The following ERC2 variants were observed in gnomAD, a reference collection of about 807,000 sequenced individuals.
ERC2 encodes the protein ELKS/RAB6-interacting/CAST family member 2, also known as ERC protein 2.
In ERC2, 42 loss-of-function variants were observed where a neutral mutation model predicts 114.8. The ratio of observed to expected loss-of-function variants is 0.37; its 90% CI spans 0.29 to 0.47. The LOEUF is 0.47. ERC2 is among the 20% of genes least tolerant of loss of function. The probability of loss-of-function intolerance (pLI) is 0.99; values close to 1 mark genes in which losing one functional copy is unlikely to be tolerated. For missense variants in ERC2, 939 were observed against 1,150.7 expected, an observed-to-expected ratio of 0.82 and a Z score of 2.66; for synonymous variants, 454 against 425.5, an observed-to-expected ratio of 1.07 and a Z score of -0.82.
intron 3 of ERC2, among the ~76,000 whole-genome samples, chr3:56,265,500 C>A (rs1388307497): frequency 6.6e-6 from 1 of 152,026 alleles, no homozygotes; most frequent in Admixed American, 6.6e-5. Flanking sequence ...CTGTATAACA[C>A]CTAGAAGAAA....
intron 17 of ERC2, among the ~76,000 whole-genome samples, chr3:55,563,241 T>G (rs1434948608): frequency 6.6e-6 from 1 of 152,172 alleles, no homozygotes; most frequent in African/African-American, 2.4e-5. Context: ...TAAGGTGGAC[T>G]GTTGCCCTCT....
At chr3:56,168,210 TAAC>T (rs1431954113) in intron 4 of ERC2, among the ~76,000 whole-genome samples, 3 of 152,198 alleles carry the variant, frequency 2.0e-5, no homozygotes, top group Non-Finnish European at 4.4e-5. Flanking sequence ...GAATTGGGGA[TAAC>T]TCTGCCTATT....
chr3:56,418,290 T>C (rs1244533661), intron 2 of ERC2, among the ~76,000 whole-genome samples: 1 of 138,900 alleles, frequency 7.2e-6, no homozygotes, highest in Non-Finnish European at 1.5e-5. Flanking sequence ...AGCGAGATCC[T>C]GTCTCAAAAA....
chr3:56,079,716 A>C (rs1225272934), intron 7 of ERC2, among the ~76,000 whole-genome samples: 2 of 152,146 alleles, frequency 1.3e-5, no homozygotes, highest in African/African-American at 4.8e-5. Context: ...TCATGTTTAC[A>C]TTATGCAATG....
At chr3:56,468,208 C>G (rs1320878913) in intron 1 of ERC2, 40 bp downstream of exon 1, 1 of 151,958 alleles carries the variant, frequency 6.6e-6, no homozygotes, top group Non-Finnish European at 1.5e-5. Context: ...CCGAGGGAGC[C>G]GGGCACCAGG....
intron 14 of ERC2, among the ~76,000 whole-genome samples, chr3:55,755,986 C>T (rs2067032784): frequency 6.6e-6 from 1 of 151,932 alleles, no homozygotes; most frequent in Admixed American, 6.6e-5. Context: ...TTTCCATTTT[C>T]GAAAATCTAA....
At position 56,080,832 on chromosome 3, in the gene ERC2, A is replaced by G. The variant is rs2077194888; in HGVS notation, c.1626T>C (p.Asn542=). 2 of 1,613,314 alleles carry G rather than the reference A, an allele frequency of 1.2e-6. No individual in the cohort carries two copies. The highest frequency in any genetic ancestry group is 1.7e-5 in the Admixed American group (1 of 59,944). ...DMLEVKERKI[N]VLQKKIENLQ... ...AGCTACTCACCTTTTTCTGAAGAAC[A>G]TTGATTTTTCTTTCCTTCACTTCTA... Residue 542 remains asparagine (N), a synonymous_variant, in exon 7 of 18, where the codon AAT becomes AAC. Transcript: ENST00000288221.
At chr3:56,146,195 G>A (rs2081123305) in intron 5 of ERC2, among the ~76,000 whole-genome samples, 1 of 152,122 alleles carries the variant, frequency 6.6e-6, no homozygotes, top group Non-Finnish European at 1.5e-5. Context: ...GGCTGGGTGG[G>A]AGAATTGGTT....
intron 16 of ERC2, among the ~76,000 whole-genome samples, chr3:55,689,139 G>A (rs776704221): frequency 2.8e-4 from 43 of 152,122 alleles, no homozygotes; most frequent in Non-Finnish European, 4.9e-4. Flanking sequence ...CACCTCACTA[G>A]GACACGCTGA....
intron 12 of ERC2, among the ~76,000 whole-genome samples, chr3:55,982,652 AT>A (rs2070250249): frequency 6.6e-6 from 1 of 152,116 alleles, no homozygotes; most frequent in African/African-American, 2.4e-5. Context: ...TTCGTCAGGT[AT>A]TTTTTGGAAA....
intron 14 of ERC2, among the ~76,000 whole-genome samples, chr3:55,814,436 A>T (rs2059834016): frequency 6.6e-6 from 1 of 152,222 alleles, no homozygotes; most frequent in African/African-American, 2.4e-5. Context: ...GCCAACTCGG[A>T]AGAGTTTTTG....
At chr3:55,740,757 G>C (rs1013455169) in intron 14 of ERC2, among the ~76,000 whole-genome samples, 9 of 152,044 alleles carry the variant, frequency 5.9e-5, no homozygotes, top group African/African-American at 2.2e-4. Context: ...TTTGAAGCAA[G>C]AAGTTTTTAA....
chr3:56,243,398 A>G (rs1427668622), intron 3 of ERC2, among the ~76,000 whole-genome samples: 6 of 152,214 alleles, frequency 3.9e-5, no homozygotes, highest in Non-Finnish European at 7.3e-5. Context: ...TGACAAGGGA[A>G]AAAGATCCGC....
chr3:56,234,940 A>G (rs1560431720), intron 3 of ERC2, among the ~76,000 whole-genome samples: 1 of 152,224 alleles, frequency 6.6e-6, no homozygotes, highest in Non-Finnish European at 1.5e-5. Flanking sequence ...AGGGGGACAC[A>G]TTCAAACCAT....
At chr3:55,665,008 A>G (rs1429107424) in intron 17 of ERC2, among the ~76,000 whole-genome samples, 1 of 152,172 alleles carries the variant, frequency 6.6e-6, no homozygotes, top group Non-Finnish European at 1.5e-5. Flanking sequence ...ACTGAGACAG[A>G]GCCTTGAAAG....
At chr3:56,173,357 AG>A in intron 4 of ERC2, 88 bp downstream of exon 4, 1 of 1,266,196 alleles carries the variant, frequency 7.9e-7, no homozygotes, top group Non-Finnish European at 1.1e-6. Flanking sequence ...GAAAAACACA[AG>A]GTTCATTTCA....
intron 13 of ERC2, among the ~76,000 whole-genome samples, chr3:55,914,733 C>A (rs781555487): frequency 6.6e-6 from 1 of 152,140 alleles, no homozygotes; most frequent in Non-Finnish European, 1.5e-5. Context: ...CCTAGGCCCA[C>A]AAAGGAAGCA....
chr3:55,735,284 A>G (rs1229821619), intron 14 of ERC2, among the ~76,000 whole-genome samples: 1 of 152,204 alleles, frequency 6.6e-6, no homozygotes, highest in African/African-American at 2.4e-5. Flanking sequence ...ATGTTGTTAC[A>G]AAGTAATGTC....
intron 17 of ERC2, among the ~76,000 whole-genome samples, chr3:55,590,680 T>C (rs149295915): frequency 6.2e-4 from 94 of 152,328 alleles, no homozygotes; most frequent in African/African-American, 2.2e-3. Flanking sequence ...CATATGCACT[T>C]ATGCATGTAA....
Sources: allele counts gnomAD v4.1 joint callset (sites outside exome capture counted in the v4.1 genomes callset), GRCh38; gene constraint gnomAD v4.1.1; transcripts MANE v1.5; gene names NCBI Gene and HGNC (gene_info 2026-07-23, HGNC 2026-07-21).